The following KANSL2 variants were observed in gnomAD, a reference collection of about 807,000 sequenced individuals.
The protein encoded by KANSL2 is KAT8 regulatory NSL complex subunit 2, also known as NSL complex protein NSL2.
A neutral mutation model predicts 55.6 loss-of-function variants in KANSL2; 34 were observed. That is an observed-to-expected ratio of 0.61 (90% CI 0.46 to 0.81). The LOEUF (loss-of-function observed/expected upper bound fraction) is 0.81. Ranked by LOEUF, KANSL2 falls within the 40% of genes least tolerant of loss-of-function variation. KANSL2 has a pLI of 0.00. For missense variants in KANSL2, 502 were observed against 609.9 expected (o/e 0.82, Z 1.86); for synonymous variants, 209 against 214.3 (o/e 0.98, Z 0.22).
chr12:48,663,673 GTTTAT>G (rs200046060), intron 7 of KANSL2, among the ~76,000 whole-genome samples: 1,521 of 152,046 alleles, frequency 0.01, 18 homozygotes, highest in Admixed American at 0.021. Flanking sequence ...CTTTTTCCTA[GTTTAT>G]TTTAAGAACA....
chr12:48,675,400 GTC>G (rs936142994), intron 4 of KANSL2, among the ~76,000 whole-genome samples: 7 of 152,280 alleles, frequency 4.6e-5, no homozygotes, highest in African/African-American at 1.7e-4. Flanking sequence ...GTGAGAGTCC[GTC>G]TCAAAAATAA....
intron 7 of KANSL2, among the ~76,000 whole-genome samples, chr12:48,666,356 A>G (rs1007296331): frequency 1.3e-5 from 2 of 152,066 alleles, no homozygotes; most frequent in African/African-American, 4.8e-5. Context: ...GTTTGAGACC[A>G]GCCTGGGCAA....
chr12:48,655,023 G>A lies in KANSL2; in HGVS notation c.1265C>T (p.Pro422Leu). The change falls in exon 9 of 10, where the codon CCT becomes CTT. Residue 422 changes from proline to leucine, a missense_variant. Transcript: ENST00000420613. Reference sequence around the variant, plus strand: ...TGAAGGATCAAAAAGCAAAGGTGAAGGAGGACACTGCATACCATCACCCAC... The same window carrying A: ...TGAAGGATCAAAAAGCAAAGGTGAAAGAGGACACTGCATACCATCACCCAC... Reference protein sequence around the residue: ...DVVGDGMQCPPSPLLFDPSLT... With the variant: ...DVVGDGMQCPLSPLLFDPSLT... 1 of 1,586,170 alleles carries A rather than the reference G, an allele frequency of 6.3e-7. No homozygotes were observed. Among genetic ancestry groups the A allele is most frequent in the Non-Finnish European group, 8.6e-7 (1 of 1,165,974 alleles).
intron 7 of KANSL2, among the ~76,000 whole-genome samples, chr12:48,666,295 T>G (rs561583400): frequency 1.3e-4 from 19 of 151,864 alleles, no homozygotes; most frequent in Non-Finnish European, 2.6e-4. Context: ...CTGATGACTG[T>G]AAGCCCAGCA....
intron 4 of KANSL2, among the ~76,000 whole-genome samples, chr12:48,674,051 T>C (rs180768530): frequency 2.2e-4 from 34 of 152,296 alleles, no homozygotes; most frequent in Non-Finnish European, 4.0e-4. Context: ...AAGAACAAGC[T>C]ATATACCTTA....
intron 8 of KANSL2, among the ~76,000 whole-genome samples, chr12:48,659,778 G>A (rs550652512): frequency 8.5e-5 from 13 of 152,260 alleles, no homozygotes; most frequent in East Asian, 3.9e-4. Context: ...TTTTTAAAGC[G>A]TGGTATTTCC....
chr12:48,664,737 T>C (rs1028795434), intron 7 of KANSL2, among the ~76,000 whole-genome samples: 2 of 151,604 alleles, frequency 1.3e-5, no homozygotes, highest in African/African-American at 4.8e-5. Flanking sequence ...CCCGCCACCA[T>C]GCCTGGCTAG....
intron 8 of KANSL2, among the ~76,000 whole-genome samples, chr12:48,657,880 G>A (rs999196072): frequency 6.6e-6 from 1 of 152,036 alleles, no homozygotes; most frequent in South Asian, 2.1e-4. Context: ...GACTCCCAAA[G>A]TGCTGGGATT....
rs1013742396 is a variant in KANSL2, at chr12:48,660,396, G to A, written c.1197C>T (p.Pro399=). The part of the protein sequence containing the change: ...DLYLSAAELQ[P]TESLPLEFSD... ...TGAACTCCAGAGGTAAACTCTCAGT[G>A]GGCTGAAGCTCAGCAGCACTCAAGT... is the stretch of plus-strand genomic sequence containing the variant. The change falls in exon 8 of 10, where the codon CCC becomes CCT. Residue 399 remains proline (P), a synonymous_variant. Coordinates refer to ENST00000420613, the MANE Select transcript of KANSL2 (RefSeq NM_017822.4). 3 of 1,613,788 alleles carry A rather than the reference G, an allele frequency of 1.9e-6. No individual in the cohort carries two copies. Among genetic ancestry groups the A allele is most frequent in the African/African-American group, 2.7e-5 (2 of 74,910 alleles).
At chr12:48,655,793 G>C (rs1939368070) in intron 8 of KANSL2, among the ~76,000 whole-genome samples, 1 of 151,956 alleles carries the variant, frequency 6.6e-6, no homozygotes, top group Non-Finnish European at 1.5e-5. Context: ...AGGTGCAGTG[G>C]CTCATGCCTA....
At chr12:48,668,389 T>A (rs1939641474) in intron 6 of KANSL2, among the ~76,000 whole-genome samples, 2 of 152,228 alleles carry the variant, frequency 1.3e-5, no homozygotes, top group Admixed American at 1.3e-4. Context: ...AGCTGGTCAG[T>A]GGGGACTCAC....
chr12:48,668,880 A>G lies in KANSL2; in HGVS notation c.876+226T>C, dbSNP rs80196671. ...CATAGTGAAACCCCAAAAAATACAA[A>G]AACATTAGCTGGGCGCATGGTGGTG... On this transcript the variant is annotated intron_variant, in intron 6 of 9. Transcript: ENST00000420613. Among the ~76,000 whole-genome samples the G allele has an allele frequency of 5.9e-3, 891 of 152,040 alleles. 8 individuals are homozygous for G. Among genetic ancestry groups the G allele is most frequent in the African/African-American group, 0.02 (813 of 41,456 alleles).
At chr12:48,675,272 G>A (rs968269492) in intron 4 of KANSL2, among the ~76,000 whole-genome samples, 15 of 151,948 alleles carry the variant, frequency 9.9e-5, no homozygotes, top group Non-Finnish European at 1.5e-4. Context: ...CGGGCACAGC[G>A]GCGTGCGCCT....
Position 48,682,193 on chromosome 12 carries a change from A to AGCTGC in KANSL2, c.-21_-17dup, listed in dbSNP as rs761231802. ...AAGAGCACCGCCATCTTACCTCAGGAGCTGCGCTGCGCCGCACTCTGCCGC... is the reference window on the plus strand; with the variant it reads ...AAGAGCACCGCCATCTTACCTCAGGAGCTGCGCTGCGCTGCGCCGCACTCTGCCGC... On this transcript the variant is annotated 5_prime_UTR_variant, in exon 1 of 10. Transcript: ENST00000420613. 23 of 684,028 alleles carry AGCTGC rather than the reference A, an allele frequency of 3.4e-5. No homozygotes were observed. The highest frequency in any genetic ancestry group is 2.7e-4 in the South Asian group (18 of 65,564). 42.4% of individuals were successfully genotyped at this position (684,028 alleles called of 1,614,324 possible). A position where few individuals can be genotyped will look rare whatever the true frequency, so the allele number is the denominator to read the frequency against.
chr12:48,654,970 C>G lies in KANSL2; in HGVS notation c.1318G>C (p.Glu440Gln), dbSNP rs1475966447. ...SLTLEDHLVK[E>Q]IAEDPVDILG... Reference sequence around the variant, plus strand: ...ATATCCACTGGGTCTTCAGCAATTTCTTTGACTAAATGATCTTCAAGGGTT... The same window carrying G: ...ATATCCACTGGGTCTTCAGCAATTTGTTTGACTAAATGATCTTCAAGGGTT... Residue 440 changes from glutamate (E) to glutamine (Q), a missense_variant, in exon 9 of 10, where the codon GAA becomes CAA. Coordinates refer to ENST00000420613, the MANE Select transcript of KANSL2 (RefSeq NM_017822.4). The G allele has an allele frequency of 6.3e-7, 1 of 1,576,636 alleles. No individual in the cohort carries two copies. The highest frequency in any genetic ancestry group is 1.9e-5 in the Admixed American group (1 of 53,818).
chr12:48,657,604 T>TTG (rs66499642), intron 8 of KANSL2, among the ~76,000 whole-genome samples: 34 of 149,712 alleles, frequency 2.3e-4, no homozygotes, highest in Middle Eastern at 3.4e-3. Flanking sequence ...TATGTGCAAT[T>TTG]TGTGTGTGTG....
At chr12:48,671,721 A>T in intron 5 of KANSL2, 78 bp downstream of exon 5, 1 of 1,379,262 alleles carries the variant, frequency 7.3e-7, no homozygotes, top group Non-Finnish European at 1.0e-6. Flanking sequence ...TATCCCCATC[A>T]TTAAGTGACA....
Position 48,654,925 on chromosome 12 carries a change from A to C in KANSL2, c.1347+16T>G. 1 of 1,555,748 alleles carries C rather than the reference A, an allele frequency of 6.4e-7. No individual in the cohort carries two copies. Among genetic ancestry groups the C allele is most frequent in the Non-Finnish European group, 8.7e-7 (1 of 1,149,166 alleles). On this transcript the variant is annotated intron_variant, in intron 9 of 9. Transcript: ENST00000420613. ...TCACTACATGAGGGAAACAGGTGGG[A>C]CTGTTCTTCACTTGCCAAAATATCC...
chr12:48,669,225 C>G lies in KANSL2; in HGVS notation c.757G>C (p.Glu253Gln), dbSNP rs1242507503. 2.5e-6 allele frequency: 4 copies of G among 1,571,614 alleles called. No individual in the cohort carries two copies. Among genetic ancestry groups the G allele is most frequent in the Non-Finnish European group, 3.5e-6 (4 of 1,157,346 alleles). Residue 253 changes from glutamate to glutamine, a missense_variant, in exon 6 of 10, where the codon GAG (glutamate) becomes CAG (glutamine). By Grantham distance (29) the Glu-to-Gln change is conservative (BLOSUM62 2). Coordinates refer to ENST00000420613, the MANE Select transcript of KANSL2 (RefSeq NM_017822.4). The stretch of plus-strand genomic sequence containing the variant: ...AGACATTTTAATCGCTTTAAGTTCT[C>G]TCGTTCTTTGGCCAAAAGTCCCTCT... ...GPEGLLAKER[E>Q]NLKRLKCLRR...
Sources: allele counts gnomAD v4.1 joint callset (sites outside exome capture counted in the v4.1 genomes callset), GRCh38; gene constraint gnomAD v4.1.1; transcripts MANE v1.5; gene names NCBI Gene and HGNC (gene_info 2026-07-23, HGNC 2026-07-21).